The following CYBRD1 variants were observed in gnomAD, a reference collection of about 807,000 sequenced individuals.
CYBRD1 encodes the protein cytochrome b reductase 1.
A neutral mutation model predicts 21.9 loss-of-function variants in CYBRD1; 14 were observed. The observed-to-expected ratio is 0.64, with a 90% CI of 0.42 to 1.00. The LOEUF (loss-of-function observed/expected upper bound fraction) is 1.00, where lower values mean the gene tolerates loss of function less well. Ranked by LOEUF, CYBRD1 falls within the 50% of genes least tolerant of loss-of-function variation. The pLI, the probability that CYBRD1 is intolerant of heterozygous loss-of-function variation, is 0.00. For synonymous variants in CYBRD1, 146 were observed against 136.5 expected (o/e 1.07, Z -0.48); for missense variants, 328 against 352.5 (o/e 0.93, Z 0.56).
chr2:171,523,097 G>A (rs1286492763), intron 1 of CYBRD1: 5 of 335,676 alleles, frequency 1.5e-5, no homozygotes, highest in Admixed American at 9.8e-5. Flanking sequence ...GAGCCCGGGC[G>A]CGATGCCGGA....
In CYBRD1 at chr2:171,557,025, T is replaced by C. The variant is rs892178798; in HGVS notation, c.*2198T>C. The C allele has an allele frequency of 1.3e-5, 2 of 152,706 alleles. No individual in the cohort carries two copies. Among genetic ancestry groups the C allele is most frequent in the Middle Eastern group, 3.4e-3 (1 of 294 alleles). 9.5% of individuals were successfully genotyped at this position (152,706 alleles called of 1,614,324 possible). The stretch of plus-strand genomic sequence containing the variant: ...GCACTAGAATAGCACTGTTGCAAAG[T>C]ATTTAAGCACCCCCCATCTCAGCCC... On this transcript the variant is annotated 3_prime_UTR_variant, in exon 4 of 4. Transcript: ENST00000321348.
rs143543356 is a variant in CYBRD1, at chr2:171,554,629, A to G, written c.663A>G (p.Arg221=). ...FGALIFWIVT[R]PQWKRPKEPN... ...CCCTCATTTTTTGGATAGTCACCAG[A>G]CCGCAATGGAAACGTCCTAAGGAGC... Residue 221 remains arginine, a synonymous_variant, in exon 4 of 4, where the codon AGA becomes AGG. Transcript: ENST00000321348. 1 of 1,614,068 alleles carries G rather than the reference A, an allele frequency of 6.2e-7. No homozygotes were observed. Among genetic ancestry groups the G allele is most frequent in the East Asian group, 2.2e-5 (1 of 44,878 alleles).
intron 2 of CYBRD1, among the ~76,000 whole-genome samples, chr2:171,542,287 G>T (rs1266237197): frequency 6.6e-6 from 1 of 152,050 alleles, no homozygotes; most frequent in Non-Finnish European, 1.5e-5. Context: ...TCTTATACTG[G>T]ATATGACTTT....
At chr2:171,543,988 G>T (rs948968715) in intron 2 of CYBRD1, among the ~76,000 whole-genome samples, 3 of 152,212 alleles carry the variant, frequency 2.0e-5, no homozygotes, top group Non-Finnish European at 2.9e-5. Flanking sequence ...AACCTAAAAA[G>T]ATAATGCTAA....
intron 1 of CYBRD1, among the ~76,000 whole-genome samples, chr2:171,524,213 G>C (rs11681001): frequency 4.0e-5 from 2 of 49,986 alleles, no homozygotes; most frequent in Non-Finnish European, 8.4e-5. Context: ...ATCGGCATCA[G>C]GGTGTGAGCA....
intron 2 of CYBRD1, among the ~76,000 whole-genome samples, chr2:171,550,528 G>A (rs1697783013): frequency 6.6e-6 from 1 of 151,960 alleles, no homozygotes; most frequent in Non-Finnish European, 1.5e-5. Flanking sequence ...TAGTTAAAAG[G>A]AAATAATGAT....
intron 1 of CYBRD1, chr2:171,523,110 G>T: frequency 3.0e-6 from 1 of 330,452 alleles, no homozygotes. Flanking sequence ...ATGCCGGAGC[G>T]CCGCGCAGTC....
intron 2 of CYBRD1, among the ~76,000 whole-genome samples, chr2:171,548,221 C>CA (rs1697746672): frequency 6.6e-6 from 1 of 152,048 alleles, no homozygotes. Flanking sequence ...CCTAGAACAG[C>CA]AGCATTAGCA....
chr2:171,550,768 T>G (rs987090608), intron 2 of CYBRD1, among the ~76,000 whole-genome samples: 9 of 152,128 alleles, frequency 5.9e-5, no homozygotes, highest in African/African-American at 2.2e-4. Context: ...TGTTGAGCCC[T>G]ACAGGATTGT....
At chr2:171,543,473 C>T (rs770422119) in intron 2 of CYBRD1, among the ~76,000 whole-genome samples, 1 of 152,108 alleles carries the variant, frequency 6.6e-6, no homozygotes, top group Admixed American at 6.5e-5. Flanking sequence ...TCTCCTTCTC[C>T]TTCCTCCTCA....
intron 2 of CYBRD1, 28 bp from the exon 3 acceptor site, chr2:171,553,318 G>T (rs779671593): frequency 1.9e-6 from 3 of 1,611,666 alleles, no homozygotes; most frequent in South Asian, 1.1e-5. Flanking sequence ...AAAATTAAAT[G>T]ATAACCTTTG....
At chr2:171,551,719 T>C (rs1190167090) in intron 2 of CYBRD1, among the ~76,000 whole-genome samples, 1 of 152,220 alleles carries the variant, frequency 6.6e-6, no homozygotes, top group Non-Finnish European at 1.5e-5. Context: ...ATATTTTCTT[T>C]GTAGAGTTGT....
intron 2 of CYBRD1, among the ~76,000 whole-genome samples, chr2:171,551,884 T>A (rs980364061): frequency 2.6e-5 from 4 of 152,206 alleles, no homozygotes; most frequent in African/African-American, 9.6e-5. Flanking sequence ...ATCTCAAGAT[T>A]CTTTTGGATT....
In CYBRD1 at chr2:171,553,377, C is replaced by T; in HGVS notation, c.434C>T (p.Pro145Leu). The T allele has an allele frequency of 6.2e-7, 1 of 1,613,598 alleles. No homozygotes were observed. Among genetic ancestry groups the T allele is most frequent in the South Asian group, 1.1e-5 (1 of 91,062 alleles). ...TCAGGTTTTTCAGTCTTTCTGCTTC[C>T]ATGGGCTCCGCTTTCTCTCCGAGCA... is the stretch of plus-strand genomic sequence containing the variant. Reference protein sequence around the residue: ...LLSGFSVFLLPWAPLSLRAFL... With the variant: ...LLSGFSVFLLLWAPLSLRAFL... Residue 145 changes from proline (P) to leucine (L), a missense_variant, in exon 3 of 4, where the codon CCA becomes CTA. Coordinates refer to ENST00000321348, the MANE Select transcript of CYBRD1 (RefSeq NM_024843.4).
intron 1 of CYBRD1, among the ~76,000 whole-genome samples, chr2:171,524,193 AGGGTGTGAGAT>A (rs59722146): frequency 0.48 from 56,571 of 116,968 alleles, 10,721 homozygotes; most frequent in East Asian, 0.54. Flanking sequence ...GATCGGCATC[AGGGTGTGAGAT>A]CGGCATCAGG....
In CYBRD1 at chr2:171,557,471, T is replaced by G. The variant is rs1436803357; in HGVS notation, c.*2644T>G. ...CATTAAAGCCTTTTCTCTCAAAGCG[T>G]TTATTGAGAAACTCAAATGAATATA... is the stretch of plus-strand genomic sequence containing the variant. On this transcript the variant is annotated 3_prime_UTR_variant, in exon 4 of 4. Coordinates refer to ENST00000321348, the MANE Select transcript of CYBRD1 (RefSeq NM_024843.4). 2 of 151,826 alleles carry G rather than the reference T, an allele frequency of 1.3e-5. No homozygotes were observed. Among genetic ancestry groups the G allele is most frequent in the Non-Finnish European group, 2.9e-5 (2 of 68,046 alleles). The allele number at this position is 151,826 out of a possible 1,614,324, so 9.4% of individuals were successfully genotyped here.
intron 1 of CYBRD1, among the ~76,000 whole-genome samples, chr2:171,540,430 A>C (rs1236555818): frequency 6.6e-6 from 1 of 152,178 alleles, no homozygotes; most frequent in Non-Finnish European, 1.5e-5. Flanking sequence ...TGGTTACTAT[A>C]AATAGTACTG....
At chr2:171,523,030 A>C in intron 1 of CYBRD1, 1 of 444,776 alleles carries the variant, frequency 2.2e-6, no homozygotes, top group East Asian at 5.0e-5. Flanking sequence ...CACTTGGTTA[A>C]CTCTTTGCGG....
At chr2:171,527,503 A>G (rs1462940303) in intron 1 of CYBRD1, among the ~76,000 whole-genome samples, 1 of 152,202 alleles carries the variant, frequency 6.6e-6, no homozygotes, top group Non-Finnish European at 1.5e-5. Context: ...TAAAGTAAAC[A>G]CACCCTCGCT....
Sources: gnomAD v4.1 joint callset for allele counts (sites outside exome capture counted in the v4.1 genomes callset) on GRCh38, gnomAD v4.1.1 for gene constraint, MANE v1.5 for transcripts, NCBI Gene and HGNC (gene_info 2026-07-23, HGNC 2026-07-21) for gene names.